ARL15: variants seen among roughly 807,000 people sequenced by gnomAD.
ARL15 encodes ARF like GTPase 15.
In ARL15, 19 loss-of-function variants were observed where a neutral mutation model predicts 25.2. The ratio of observed to expected loss-of-function variants is 0.75; its 90% confidence interval spans 0.53 to 1.10. The LOEUF is 1.10. Ranked by LOEUF, ARL15 falls within the 50% of genes least tolerant of loss-of-function variation. The probability of loss-of-function intolerance (pLI) is 0.00; values close to 1 mark genes in which losing one functional copy is unlikely to be tolerated. For synonymous variants in ARL15, 94 were observed against 86.8 expected, an observed-to-expected ratio of 1.08 and a Z score of -0.46; for missense variants, 220 against 246.0, an observed-to-expected ratio of 0.89 and a Z score of 0.71.
At chr5:54,100,630 A>ATTAAACTATTAAAATTAATTTTCTTAAT (rs1752408307) in intron 4 of ARL15, among the ~76,000 whole-genome samples, 1 of 152,074 alleles carries the variant, frequency 6.6e-6, no homozygotes, top group African/African-American at 2.4e-5. Context: ...CAAGTTAGAG[A>ATTAAACTATTAAAATTAATTTTCTTAAT]TTAAACTATT....
intron 4 of ARL15, among the ~76,000 whole-genome samples, chr5:54,003,850 A>C (rs968126748): frequency 6.6e-6 from 1 of 152,192 alleles, no homozygotes; most frequent in Non-Finnish European, 1.5e-5. Context: ...GAAACATAAA[A>C]AACTGTTAGA....
intron 4 of ARL15, among the ~76,000 whole-genome samples, chr5:53,997,242 TTCC>T (rs1424021656): frequency 6.6e-6 from 1 of 151,952 alleles, no homozygotes; most frequent in Non-Finnish European, 1.5e-5. Context: ...CTCAGAAGAG[TTCC>T]CTAATCTGAG....
chr5:54,171,822 A>C lies in ARL15; in HGVS notation c.155T>G (p.Leu52Arg). The change falls in exon 2 of 5, where the codon CTC becomes CGC. Residue 52 changes from leucine (L) to arginine (R), a missense_variant. Leu to Arg is a moderately radical substitution (Grantham distance 102, BLOSUM62 -2). Transcript: ENST00000504924. ...GSGKTSLLSK[L>R]CSESPDNVVS... ...GACGTTATCGGGGCTTTCACTGCAG[A>C]GTTTGGACAACAGACTGGTTTTGCC... 6.2e-7 allele frequency: 1 copy of C among 1,613,460 alleles called. No individual in the cohort carries two copies. Among genetic ancestry groups the C allele is most frequent in the Non-Finnish European group, 8.5e-7 (1 of 1,179,640 alleles).
At chr5:54,046,028 TG>T (rs1172767583) in intron 4 of ARL15, among the ~76,000 whole-genome samples, 1 of 152,202 alleles carries the variant, frequency 6.6e-6, no homozygotes, top group Non-Finnish European at 1.5e-5. Context: ...AATATCTAAA[TG>T]TTCAGATAGT....
chr5:54,066,299 C>A (rs561986431), intron 4 of ARL15, among the ~76,000 whole-genome samples: 21 of 152,034 alleles, frequency 1.4e-4, no homozygotes, highest in Admixed American at 2.6e-4. Context: ...ATATGAAAAG[C>A]AAAAATGTAA....
At chr5:54,103,594 T>C (rs1752505901) in intron 4 of ARL15, among the ~76,000 whole-genome samples, 1 of 152,156 alleles carries the variant, frequency 6.6e-6, no homozygotes. Flanking sequence ...TTTGGATTAG[T>C]TCATTTCCAA....
At chr5:53,988,305 G>GA (rs1283664158) in intron 4 of ARL15, among the ~76,000 whole-genome samples, 4 of 91,076 alleles carry the variant, frequency 4.4e-5, no homozygotes, top group African/African-American at 1.3e-4. Context: ...GTCTCAAAAA[G>GA]AAAAAAAGAA....
intron 4 of ARL15, among the ~76,000 whole-genome samples, chr5:54,009,912 T>G (rs1542167): frequency 0.16 from 24,054 of 152,118 alleles, 2,198 homozygotes; most frequent in East Asian, 0.45. Flanking sequence ...TCCTCAATTC[T>G]CAGGCCACCC....
chr5:53,950,212 T>C (rs1215764654), intron 4 of ARL15, among the ~76,000 whole-genome samples: 4 of 151,526 alleles, frequency 2.6e-5, no homozygotes, highest in Admixed American at 2.6e-4. Context: ...GAGAAATGCT[T>C]GAGGCCAGGA....
intron 2 of ARL15, among the ~76,000 whole-genome samples, chr5:54,164,173 A>AT (rs70986664): frequency 0.048 from 7,267 of 150,264 alleles, 258 homozygotes; most frequent in East Asian, 0.15. Flanking sequence ...AATACTTGAG[A>AT]TTTTTTTTTT....
chr5:54,081,536 T>G (rs274373), intron 4 of ARL15, among the ~76,000 whole-genome samples: 82,724 of 151,908 alleles, frequency 0.54, 23,585 homozygotes, highest in Non-Finnish European at 0.63. Flanking sequence ...CCAGGTGCAG[T>G]TAACTAGATC....
In ARL15 at chr5:54,063,130, C is replaced by T. The variant is rs780278310; in HGVS notation, c.462+50072G>A. Among the ~76,000 whole-genome samples the T allele has an allele frequency of 1.4e-4, 21 of 152,158 alleles. 1 individual carries two copies. Among genetic ancestry groups the T allele is most frequent in the Non-Finnish European group, 2.8e-4 (19 of 68,032 alleles). ...GTCAGGAAGAGAGAGGGGGGAAAAA[C>T]CCCTAAACAATGGGTAACAGTTGAT... On this transcript the variant is annotated intron_variant, in intron 4 of 4. Transcript: ENST00000504924.
intron 1 of ARL15, among the ~76,000 whole-genome samples, chr5:54,250,646 C>T (rs868740052): frequency 4.6e-5 from 7 of 151,902 alleles, no homozygotes; most frequent in African/African-American, 1.5e-4. Flanking sequence ...GGGAGAAGTA[C>T]AGGGACATGG....
At chr5:54,036,675 G>A (rs1041450992) in intron 4 of ARL15, among the ~76,000 whole-genome samples, 14 of 152,136 alleles carry the variant, frequency 9.2e-5, no homozygotes, top group African/African-American at 3.4e-4. Flanking sequence ...TAAAAGGGAT[G>A]GGATGAGCTC....
chr5:54,232,802 G>A (rs1256815323), intron 1 of ARL15, among the ~76,000 whole-genome samples: 2 of 151,918 alleles, frequency 1.3e-5, no homozygotes, highest in South Asian at 2.1e-4. Context: ...CCCCTTGTTC[G>A]GCTGACACTC....
chr5:54,080,358 A>G (rs917284865), intron 4 of ARL15, among the ~76,000 whole-genome samples: 2 of 152,258 alleles, frequency 1.3e-5, no homozygotes, highest in African/African-American at 4.8e-5. Flanking sequence ...ATGATATGGT[A>G]TTCAAGTTAC....
chr5:54,310,188 G>T (rs1758859803), intron 1 of ARL15: 7 of 453,786 alleles, frequency 1.5e-5, no homozygotes, highest in Non-Finnish European at 2.7e-5. Flanking sequence ...CAGCCCCAGC[G>T]CGACCCTCGC....
chr5:54,222,979 C>A (rs1036876741), intron 1 of ARL15, among the ~76,000 whole-genome samples: 1 of 125,574 alleles, frequency 8.0e-6, no homozygotes, highest in Non-Finnish European at 1.6e-5. Flanking sequence ...GTCACTATGC[C>A]TGGATTTTTT....
intron 1 of ARL15, among the ~76,000 whole-genome samples, chr5:54,186,454 T>G (rs568935112): frequency 6.6e-6 from 1 of 152,198 alleles, no homozygotes; most frequent in African/African-American, 2.4e-5. Context: ...GTGAGAGTTA[T>G]TTAAAGGTGT....
Sources: allele counts gnomAD v4.1 joint callset (sites outside exome capture counted in the v4.1 genomes callset), GRCh38; gene constraint gnomAD v4.1.1; transcripts MANE v1.5; gene names NCBI Gene and HGNC (gene_info 2026-07-23, HGNC 2026-07-21).